Variants in CHRNA7 observed in about 807,000 individuals in gnomAD.
CHRNA7 encodes neuronal acetylcholine receptor subunit alpha-7.
Under a neutral mutation model 48.0 loss-of-function variants are expected in CHRNA7, and 17 were observed. The ratio of observed to expected loss-of-function variants is 0.35; its 90% CI spans 0.24 to 0.53. The LOEUF (loss-of-function observed/expected upper bound fraction) is 0.53, where lower values mean the gene tolerates loss of function less well. Among genes scored for constraint, CHRNA7 ranks in the 20% least tolerant of loss-of-function variants. The pLI is 0.92. For synonymous variants in CHRNA7, 75 were observed against 242.3 expected, an observed-to-expected ratio of 0.31 and a Z score of 6.41; for missense variants, 155 against 577.7, an observed-to-expected ratio of 0.27 and a Z score of 7.50.
At chr15:32,052,648 G>GA (rs1162058157) in intron 2 of CHRNA7, among the ~76,000 whole-genome samples, 1 of 152,174 alleles carries the variant, frequency 6.6e-6, no homozygotes, top group Non-Finnish European at 1.5e-5. Flanking sequence ...AGAATCGCTT[G>GA]AACCCGGGAG....
At chr15:32,115,096 G>A (rs997062261) in intron 4 of CHRNA7, among the ~76,000 whole-genome samples, 2 of 152,166 alleles carry the variant, frequency 1.3e-5, no homozygotes, top group African/African-American at 2.4e-5. Flanking sequence ...TGAGGGTCCC[G>A]CAACAGCCCT....
In CHRNA7 at chr15:32,168,754, G is replaced by GTTTTTC; in HGVS notation, c.*296_*297insTTTTTC. On this transcript the variant is annotated 3_prime_UTR_variant, in exon 10 of 10. Transcript: ENST00000306901. The stretch of plus-strand genomic sequence containing the variant: ...CCCACTGCCTGGAAAGCCCTTCGGA[G>GTTTTTC]AGCTCCCCATGGCTCCTCACCACCG... 4 of 82,316 alleles carry GTTTTTC rather than the reference G, an allele frequency of 4.9e-5. No homozygotes were observed. The highest frequency in any genetic ancestry group is 4.1e-5 in the Non-Finnish European group (2 of 48,250). 5.1% of individuals were successfully genotyped at this position (82,316 alleles called of 1,614,324 possible). A position where few individuals can be genotyped will look rare whatever the true frequency, so the allele number is the denominator to read the frequency against.
At position 32,047,760 on chromosome 15, in the gene CHRNA7, G is replaced by C. The variant is rs2049580761; in HGVS notation, c.195+16723G>C. Among the ~76,000 whole-genome samples the C allele has an allele frequency of 2.0e-5, 3 of 152,150 alleles. No homozygotes were observed. In the South Asian group the frequency reaches 6.2e-4, roughly 32 times the overall value. ...TCCCTGTCTGTGCCAGTTTTCAAAG[G>C]GAATGCTTCCAGTTTTTGCCCATTC... On this transcript the variant is annotated intron_variant, in intron 2 of 9. Transcript: ENST00000306901.
chr15:32,143,597 G>A (rs2051426458), intron 4 of CHRNA7, among the ~76,000 whole-genome samples: 1 of 152,154 alleles, frequency 6.6e-6, no homozygotes, highest in South Asian at 2.1e-4. Context: ...GAATCTTGGT[G>A]CTCCTGTATT....
chr15:32,144,390 G>A (rs1377986488), intron 4 of CHRNA7, among the ~76,000 whole-genome samples: 2 of 152,106 alleles, frequency 1.3e-5, no homozygotes, highest in South Asian at 2.1e-4. Flanking sequence ...AAAATTATGT[G>A]TCTTGGGGTT....
At chr15:32,156,823 G>A (rs2051748172) in intron 5 of CHRNA7, 2 of 86,662 alleles carry the variant, frequency 2.3e-5, no homozygotes, top group Admixed American at 2.5e-4. Flanking sequence ...TGGAGTGCAG[G>A]GGCTCGATCA....
chr15:32,125,536 G>C (rs2051051466), intron 4 of CHRNA7, among the ~76,000 whole-genome samples: 1 of 99,046 alleles, frequency 1.0e-5, no homozygotes, highest in African/African-American at 4.9e-5. Flanking sequence ...CTCCGCTGCA[G>C]TCTTCTGGGG....
chr15:32,120,911 G>C (rs1025679773), intron 4 of CHRNA7, among the ~76,000 whole-genome samples: 31 of 152,162 alleles, frequency 2.0e-4, no homozygotes, highest in African/African-American at 7.5e-4. Flanking sequence ...TCTTCATCAT[G>C]AGCTGCCTGA....
At position 32,119,705 on chromosome 15, in the gene CHRNA7, G is replaced by A. The variant is rs188203699; in HGVS notation, c.350+7806G>A. 1.1e-4 allele frequency among the ~76,000 whole-genome samples: 16 copies of A among 152,180 alleles called. No homozygotes were observed. The East Asian group carries it at 2.9e-3, about 28-fold the overall frequency. The stretch of plus-strand genomic sequence containing the variant: ...GATTCCCATCAGGTGATTTTGTCCA[G>A]AAGTTATTATCTGTTCTTTTCTGCT... On this transcript the variant is annotated intron_variant, in intron 4 of 9. Transcript: ENST00000306901.
At chr15:32,105,829 A>G (rs1382797511) in intron 3 of CHRNA7, among the ~76,000 whole-genome samples, 2 of 152,194 alleles carry the variant, frequency 1.3e-5, no homozygotes, top group Non-Finnish European at 1.5e-5. Flanking sequence ...GCACCTGTAG[A>G]TGATCTAGCA....
chr15:32,108,990 C>T (rs1462273697), intron 3 of CHRNA7, among the ~76,000 whole-genome samples: 1 of 152,034 alleles, frequency 6.6e-6, no homozygotes, highest in African/African-American at 2.4e-5. Context: ...CCTTTTCTGC[C>T]ACTACGGTTA....
At chr15:32,077,450 C>T (rs1293973603) in intron 2 of CHRNA7, among the ~76,000 whole-genome samples, 1 of 152,170 alleles carries the variant, frequency 6.6e-6, no homozygotes, top group African/African-American at 2.4e-5. Flanking sequence ...TTTGTCCTTG[C>T]CAGCATTTGG....
At chr15:32,083,333 C>G (rs961105456) in intron 2 of CHRNA7, among the ~76,000 whole-genome samples, 12 of 152,174 alleles carry the variant, frequency 7.9e-5, no homozygotes, top group African/African-American at 2.9e-4. Flanking sequence ...TGTCTTCCAT[C>G]ATGGGATGTT....
chr15:32,077,124 T>G (rs1212022410), intron 2 of CHRNA7, among the ~76,000 whole-genome samples: 2 of 152,124 alleles, frequency 1.3e-5, no homozygotes, highest in East Asian at 1.9e-4. Flanking sequence ...TTTTATGGCT[T>G]GATAGCTCTT....
intron 4 of CHRNA7, among the ~76,000 whole-genome samples, chr15:32,153,012 C>G (rs2051663631): frequency 6.6e-6 from 1 of 151,762 alleles, no homozygotes; most frequent in Admixed American, 6.6e-5. Flanking sequence ...AAAACTCGCA[C>G]TTACTTCTGT....
At chr15:32,047,888 T>C (rs1366386796) in intron 2 of CHRNA7, among the ~76,000 whole-genome samples, 5 of 152,210 alleles carry the variant, frequency 3.3e-5, no homozygotes, top group Admixed American at 6.5e-5. Context: ...GAAGGGTTGT[T>C]GAATTTTGTC....
chr15:32,118,370 G>A (rs1160694394), intron 4 of CHRNA7, among the ~76,000 whole-genome samples: 1 of 152,216 alleles, frequency 6.6e-6, no homozygotes, highest in African/African-American at 2.4e-5. Flanking sequence ...AGTAGTTCCA[G>A]GTGAGCAGAG....
chr15:32,032,063 A>G (rs1901867936), intron 2 of CHRNA7, among the ~76,000 whole-genome samples: 2 of 152,212 alleles, frequency 1.3e-5, no homozygotes, highest in African/African-American at 4.8e-5. Context: ...TCCTACAAAT[A>G]AACAGTTACC....
At chr15:32,038,584 G>A (rs1214033711) in intron 2 of CHRNA7, among the ~76,000 whole-genome samples, 1 of 152,140 alleles carries the variant, frequency 6.6e-6, no homozygotes, top group African/African-American at 2.4e-5. Flanking sequence ...GCTCAGGCTG[G>A]TCTTGGACTC....
Sources: allele counts gnomAD v4.1 joint callset (sites outside exome capture counted in the v4.1 genomes callset), GRCh38; gene constraint gnomAD v4.1.1; transcripts MANE v1.5; gene names NCBI Gene and HGNC (gene_info 2026-07-23, HGNC 2026-07-21).